Variants in ZCCHC14 observed in about 807,000 individuals in gnomAD.
ZCCHC14 encodes zinc finger CCHC-type containing 14.
ZCCHC14 carries 16 observed loss-of-function variants against 85.0 expected under a neutral mutation model. The ratio of observed to expected loss-of-function variants is 0.19; its 90% CI spans 0.13 to 0.29. The LOEUF (loss-of-function observed/expected upper bound fraction) is 0.29, where lower values mean the gene tolerates loss of function less well. ZCCHC14 is among the 10% of genes least tolerant of loss of function. The probability of loss-of-function intolerance (pLI) is 1.00; values close to 1 mark genes in which losing one functional copy is unlikely to be tolerated. For synonymous variants in ZCCHC14, 775 were observed against 630.7 expected, an observed-to-expected ratio of 1.23 and a Z score of -3.43; for missense variants, 1,303 against 1,443.5, an observed-to-expected ratio of 0.90 and a Z score of 1.58.
chr16:87,419,837 G>A lies in ZCCHC14; in HGVS notation c.991C>T (p.His331Tyr). Residue 331 changes from histidine to tyrosine, a missense_variant, in exon 6 of 13, where the codon CAT becomes TAT. This residue lies in a region of ZCCHC14 where 389 missense variants were observed against 397.8 expected (regional missense o/e 0.98). Coordinates refer to ENST00000671377, the MANE Select transcript of ZCCHC14 (RefSeq NM_015144.3). ...SLPSHVLKND[H>Y]VRRFLSTSSP... The stretch of plus-strand genomic sequence containing the variant: ...GAAGTGCTGAGAAACCTCCTGACAT[G>A]GTCATTTTTCAACACGTGAGAAGGT... The A allele has an allele frequency of 6.2e-7, 1 of 1,612,958 alleles. No homozygotes were observed. Among genetic ancestry groups the A allele is most frequent in the Non-Finnish European group, 8.5e-7 (1 of 1,179,538 alleles).
intron 1 of ZCCHC14, among the ~76,000 whole-genome samples, chr16:87,484,410 G>A (rs1258685870): frequency 6.6e-6 from 1 of 152,176 alleles, no homozygotes; most frequent in East Asian, 1.9e-4. Flanking sequence ...TTGTCAAAGA[G>A]GTTCGAGGCA....
At position 87,412,390 on chromosome 16, in the gene ZCCHC14, C is replaced by A. The variant is rs1174933254; in HGVS notation, c.2331G>T (p.Leu777=). Residue 777 remains leucine (L), a synonymous_variant, in exon 12 of 13, where the codon CTG becomes CTT. Coordinates refer to ENST00000671377, the MANE Select transcript of ZCCHC14 (RefSeq NM_015144.3). ...AATCAGCAGGAACAGATGACGACAG[C>A]AGCAGTTTGATGGGCGGACGGGCGG... ...LHAARPPIKL[L]LSSSVPADSA... is the part of the protein sequence containing the mutation. 1 of 1,614,230 alleles carries A rather than the reference C, an allele frequency of 6.2e-7. No homozygotes were observed.
chr16:87,449,948 G>A (rs1472964233), intron 2 of ZCCHC14, among the ~76,000 whole-genome samples: 1 of 152,230 alleles, frequency 6.6e-6, no homozygotes, highest in Non-Finnish European at 1.5e-5. Context: ...GGGAGGCTGA[G>A]GCAGGAGGAT....
chr16:87,451,163 G>A (rs1468548779), intron 2 of ZCCHC14, among the ~76,000 whole-genome samples: 1 of 148,990 alleles, frequency 6.7e-6, no homozygotes, highest in East Asian at 2.0e-4. Context: ...GCCTCCCAAA[G>A]TGCTGGGATT....
At chr16:87,443,509 A>C (rs1178203086) in intron 2 of ZCCHC14, among the ~76,000 whole-genome samples, 1 of 151,362 alleles carries the variant, frequency 6.6e-6, no homozygotes, top group Non-Finnish European at 1.5e-5. Flanking sequence ...GCCAAGGCAG[A>C]AGAACTGCCT....
rs957247069 is a variant in ZCCHC14, at chr16:87,409,160, G to T, written c.*1120C>A. 2.6e-5 allele frequency: 4 copies of T among 152,218 alleles called. No individual in the cohort carries two copies. The highest frequency in any genetic ancestry group is 9.7e-5 in the African/African-American group (4 of 41,418). 9.4% of individuals were successfully genotyped at this position (152,218 alleles called of 1,614,324 possible). A position where few individuals can be genotyped will look rare whatever the true frequency, so the allele number is the denominator to read the frequency against. The stretch of plus-strand genomic sequence containing the variant: ...ACTGTTTTCCAAGTAATTTTTAACG[G>T]AATTAACTATCAATACACAGCCTAA... On this transcript the variant is annotated 3_prime_UTR_variant, in exon 13 of 13. Transcript: ENST00000671377.
At chr16:87,460,654 C>A (rs1399877061) in intron 1 of ZCCHC14, among the ~76,000 whole-genome samples, 1 of 152,068 alleles carries the variant, frequency 6.6e-6, no homozygotes, top group Admixed American at 6.6e-5. Flanking sequence ...GGTGACACTA[C>A]ACTCCAGCCT....
Position 87,450,708 on chromosome 16 carries a change from G to A in ZCCHC14, c.694+9300C>T, listed in dbSNP as rs557859673. 8.6e-5 allele frequency among the ~76,000 whole-genome samples: 13 copies of A among 151,696 alleles called. No homozygotes were observed. The South Asian group carries it at 2.5e-3, about 29-fold the overall frequency. On this transcript the variant is annotated intron_variant, in intron 2 of 12. Coordinates refer to ENST00000671377, the MANE Select transcript of ZCCHC14 (RefSeq NM_015144.3). ...GCCTCAGCCTCCTGAGTGAGTAGCT[G>A]GGATTATAGGCATGTGCCATCTTTT...
In ZCCHC14 at chr16:87,411,758, T is replaced by C. The variant is rs754101061; in HGVS notation, c.2963A>G (p.His988Arg). Residue 988 changes from histidine to arginine, a missense_variant, in exon 12 of 13, where the codon CAC (histidine) becomes CGC (arginine). This residue lies in a region of ZCCHC14 where 797 missense variants were observed against 730.8 expected (regional missense o/e 1.09). Coordinates refer to ENST00000671377, the MANE Select transcript of ZCCHC14 (RefSeq NM_015144.3). ...YGGGSTFPVVHAPYSSSGTPD... is the reference protein window; with the variant it reads ...YGGGSTFPVVRAPYSSSGTPD... ...GGTCCCGCTGCTGCTGTAAGGGGCG[T>C]GCACGACGGGGAAGGTGGAGCCGCC... 6.2e-7 allele frequency: 1 copy of C among 1,612,282 alleles called. No homozygotes were observed. Among genetic ancestry groups the C allele is most frequent in the Non-Finnish European group, 8.5e-7 (1 of 1,178,922 alleles).
chr16:87,447,588 T>C (rs1910504616), intron 2 of ZCCHC14, among the ~76,000 whole-genome samples: 1 of 152,198 alleles, frequency 6.6e-6, no homozygotes, highest in South Asian at 2.1e-4. Flanking sequence ...ATACCACAGC[T>C]TGTTTATCCA....
rs911011984 is a variant in ZCCHC14, at chr16:87,409,051, T to C, written c.*1229A>G. 5 of 152,548 alleles carry C rather than the reference T, an allele frequency of 3.3e-5. No individual in the cohort carries two copies. The highest frequency in any genetic ancestry group is 4.8e-5 in the African/African-American group (2 of 41,432). The allele number at this position is 152,548 out of a possible 1,614,324, so 9.4% of individuals were successfully genotyped here. ...ATTTAGAGATCTACAGTGAGGACTT[T>C]TATTACTACCTAACCAAAACCAGAC... On this transcript the variant is annotated 3_prime_UTR_variant, in exon 13 of 13. Coordinates refer to ENST00000671377, the MANE Select transcript of ZCCHC14 (RefSeq NM_015144.3).
chr16:87,489,938 A>T (rs1294867208), intron 1 of ZCCHC14, among the ~76,000 whole-genome samples: 1 of 152,220 alleles, frequency 6.6e-6, no homozygotes, highest in African/African-American at 2.4e-5. Flanking sequence ...AATCTACACA[A>T]AGGAGTAACA....
intron 2 of ZCCHC14, among the ~76,000 whole-genome samples, chr16:87,451,596 T>C (rs1190554961): frequency 6.6e-6 from 1 of 152,200 alleles, no homozygotes; most frequent in East Asian, 1.9e-4. Flanking sequence ...TGCTCGGCAT[T>C]AGTACGTTCT....
intron 1 of ZCCHC14, among the ~76,000 whole-genome samples, chr16:87,481,082 G>T (rs930417005): frequency 6.6e-6 from 1 of 152,124 alleles, no homozygotes; most frequent in Admixed American, 6.5e-5. Context: ...GGCTAAGAGG[G>T]GGCCAGTGAC....
intron 1 of ZCCHC14, among the ~76,000 whole-genome samples, chr16:87,485,244 A>G (rs1912462624): frequency 6.6e-6 from 1 of 152,226 alleles, no homozygotes; most frequent in Admixed American, 6.5e-5. Context: ...ATTATTTGAA[A>G]GATACTCTGT....
rs1170862827 is a variant in ZCCHC14 at position 87,492,486 on chromosome 16, G to GC, written c.-249dup. The GC allele has an allele frequency of 6.9e-6, 1 of 144,958 alleles. No homozygotes were observed. Among genetic ancestry groups the GC allele is most frequent in the Non-Finnish European group, 1.5e-5 (1 of 65,396 alleles). 9.0% of individuals were successfully genotyped at this position (144,958 alleles called of 1,614,324 possible). A position where few individuals can be genotyped will look rare whatever the true frequency, so the allele number is the denominator to read the frequency against. ...CGGGGCGCCGGGGGGGCCCGGGGCG[G>GC]CCGGGGCGGCCGGGGGCGGCGAGCG... On this transcript the variant is annotated 5_prime_UTR_variant, in exon 1 of 13. Coordinates refer to ENST00000671377, the MANE Select transcript of ZCCHC14 (RefSeq NM_015144.3). The surrounding 1 kb of genome is among the most constrained non-coding windows in gnomAD (Gnocchi z 6.7).
intron 2 of ZCCHC14, 127 bp from the exon 3 acceptor site, chr16:87,433,328 G>T: frequency 1.2e-6 from 1 of 845,086 alleles, no homozygotes; most frequent in Non-Finnish European, 1.8e-6. Context: ...CTGTCACTTT[G>T]GTGGCATCTC....
intron 3 of ZCCHC14, among the ~76,000 whole-genome samples, chr16:87,424,926 C>T (rs1317094330): frequency 6.6e-6 from 1 of 152,084 alleles, no homozygotes; most frequent in Non-Finnish European, 1.5e-5. Context: ...ATACATTATG[C>T]AAAAGAAAAC....
intron 1 of ZCCHC14, among the ~76,000 whole-genome samples, chr16:87,481,546 G>GGGGGGA (rs1912275782): frequency 1.7e-5 from 1 of 59,128 alleles, no homozygotes; most frequent in African/African-American, 5.4e-5. Flanking sequence ...GGGGGGTGGG[G>GGGGGGA]GGGGGGAAGG....
Sources: gnomAD v4.1 joint callset for allele counts (sites outside exome capture counted in the v4.1 genomes callset) on GRCh38, gnomAD v4.1.1 for gene constraint, gnomAD v4.1.1 regional missense constraint, Gnocchi (gnomAD v3.1) non-coding constraint, MANE v1.5 for transcripts, NCBI Gene and HGNC (gene_info 2026-07-23, HGNC 2026-07-21) for gene names.